Variants in DDX10 observed in about 807,000 individuals in gnomAD.
DDX10 encodes the protein probable ATP-dependent RNA helicase DDX10.
A neutral mutation model predicts 104.3 loss-of-function variants in DDX10; 74 were observed. The ratio of observed to expected loss-of-function variants is 0.71; its 90% confidence interval spans 0.59 to 0.86. The LOEUF (loss-of-function observed/expected upper bound fraction) is 0.86, where lower values mean the gene tolerates loss of function less well. Among genes scored for constraint, DDX10 ranks in the 40% least tolerant of loss-of-function variants. DDX10 has a pLI of 0.00. For synonymous variants in DDX10, 351 were observed against 353.4 expected (o/e 0.99, Z 0.08); for missense variants, 952 against 1,040.0 (o/e 0.92, Z 1.16).
At chr11:108,762,477 C>G (rs1400346027) in intron 13 of DDX10, among the ~76,000 whole-genome samples, 1 of 152,116 alleles carries the variant, frequency 6.6e-6, no homozygotes, top group Non-Finnish European at 1.5e-5. Context: ...AGATCAGCAA[C>G]CCAGGTTTAA....
chr11:108,844,012 A>C (rs1408060886), intron 15 of DDX10, among the ~76,000 whole-genome samples: 2 of 152,228 alleles, frequency 1.3e-5, no homozygotes, highest in Non-Finnish European at 2.9e-5. Context: ...AGAACACAGC[A>C]TGTGATTTTT....
chr11:108,798,524 C>A (rs565667855), intron 13 of DDX10, among the ~76,000 whole-genome samples: 5 of 152,312 alleles, frequency 3.3e-5, no homozygotes, highest in African/African-American at 9.6e-5. Context: ...ACTCTAGATA[C>A]CACATATAAA....
At chr11:108,720,824 C>G (rs2094297398) in intron 12 of DDX10, among the ~76,000 whole-genome samples, 1 of 151,302 alleles carries the variant, frequency 6.6e-6, no homozygotes, top group East Asian at 1.9e-4. Context: ...AACTCCTGGG[C>G]TCAAGTGATC....
chr11:108,811,158 C>T (rs987996109), intron 13 of DDX10, among the ~76,000 whole-genome samples: 29 of 151,972 alleles, frequency 1.9e-4, no homozygotes, highest in African/African-American at 6.8e-4. Flanking sequence ...AGCAGTGTAC[C>T]CAGTACAGTG....
At chr11:108,684,231 G>T in intron 6 of DDX10, among the ~76,000 whole-genome samples, 1 of 108,856 alleles carries the variant, frequency 9.2e-6, no homozygotes, top group Non-Finnish European at 1.7e-5. Context: ...TAGGGTACAT[G>T]TGCACATTGT....
intron 13 of DDX10, among the ~76,000 whole-genome samples, chr11:108,726,448 AT>A (rs1044390959): frequency 2.6e-5 from 4 of 152,088 alleles, no homozygotes; most frequent in Non-Finnish European, 4.4e-5. Context: ...ACTATTTGAT[AT>A]TTTTTAATGC....
chr11:108,750,496 C>T (rs749658946), intron 13 of DDX10, among the ~76,000 whole-genome samples: 1 of 152,084 alleles, frequency 6.6e-6, no homozygotes, highest in Non-Finnish European at 1.5e-5. Context: ...GTTCCCCCAA[C>T]TCTCTTTCAC....
chr11:108,934,465 G>A (rs916072844), intron 17 of DDX10, among the ~76,000 whole-genome samples: 2 of 152,144 alleles, frequency 1.3e-5, no homozygotes, highest in African/African-American at 2.4e-5. Context: ...TAGCATTGTG[G>A]AAGATTGTGG....
intron 13 of DDX10, among the ~76,000 whole-genome samples, chr11:108,820,743 G>A (rs1862315920): frequency 6.6e-6 from 1 of 152,156 alleles, no homozygotes; most frequent in Admixed American, 6.5e-5. Flanking sequence ...CGATGGGAAT[G>A]GTTCCAGCTC....
At chr11:108,865,674 G>C (rs575442910) in intron 16 of DDX10, among the ~76,000 whole-genome samples, 7 of 152,036 alleles carry the variant, frequency 4.6e-5, no homozygotes, top group African/African-American at 1.7e-4. Context: ...AGGAGAGTGT[G>C]GGGGATGCAG....
At chr11:108,734,658 T>C (rs2094316270) in intron 13 of DDX10, among the ~76,000 whole-genome samples, 1 of 152,184 alleles carries the variant, frequency 6.6e-6, no homozygotes, top group African/African-American at 2.4e-5. Flanking sequence ...TAACATCTGC[T>C]AACTACTGAA....
intron 7 of DDX10, chr11:108,690,848 C>G (rs1381301488): frequency 5.8e-6 from 1 of 171,914 alleles, no homozygotes; most frequent in African/African-American, 2.4e-5. Context: ...TTGGCTTTGC[C>G]TCAGTGGCCT....
chr11:108,837,934 T>C (rs529071336), intron 13 of DDX10, among the ~76,000 whole-genome samples: 78 of 152,298 alleles, frequency 5.1e-4, no homozygotes, highest in African/African-American at 1.7e-3. Flanking sequence ...GGACACAGTT[T>C]AATTGTCATT....
At chr11:108,922,769 A>G (rs1332449005) in intron 17 of DDX10, among the ~76,000 whole-genome samples, 1 of 152,258 alleles carries the variant, frequency 6.6e-6, no homozygotes, top group Non-Finnish European at 1.5e-5. Context: ...TGCTTATAAT[A>G]TGGTTTCAGG....
intron 9 of DDX10, among the ~76,000 whole-genome samples, chr11:108,702,326 A>G (rs1194608996): frequency 6.6e-6 from 1 of 152,206 alleles, no homozygotes; most frequent in Non-Finnish European, 1.5e-5. Context: ...ATGTCTGCAT[A>G]TATTTTTTCT....
intron 13 of DDX10, among the ~76,000 whole-genome samples, chr11:108,792,519 T>G (rs1325367825): frequency 6.6e-6 from 1 of 152,202 alleles, no homozygotes; most frequent in Non-Finnish European, 1.5e-5. Flanking sequence ...AAAGACTGTC[T>G]TTTCCTCATT....
At chr11:108,905,294 G>T (rs1863577098) in intron 16 of DDX10, among the ~76,000 whole-genome samples, 2 of 107,210 alleles carry the variant, frequency 1.9e-5, no homozygotes, top group Admixed American at 1.2e-4. Flanking sequence ...TTATTATAAG[G>T]TACTATTAGA....
chr11:108,794,820 C>T (rs530539638), intron 13 of DDX10, among the ~76,000 whole-genome samples: 118 of 151,406 alleles, frequency 7.8e-4, no homozygotes, highest in Admixed American at 3.1e-3. Context: ...ATAGTTTTTT[C>T]TCTCTCTCTC....
chr11:108,927,610 C>G (rs975948830), intron 17 of DDX10, among the ~76,000 whole-genome samples: 3 of 151,572 alleles, frequency 2.0e-5, no homozygotes, highest in African/African-American at 7.3e-5. Flanking sequence ...CCTTGGGCCA[C>G]AGCCATATCA....
Sources: gnomAD v4.1 joint callset for allele counts (sites outside exome capture counted in the v4.1 genomes callset) on GRCh38, gnomAD v4.1.1 for gene constraint, MANE v1.5 for transcripts, NCBI Gene and HGNC (gene_info 2026-07-23, HGNC 2026-07-21) for gene names.